The following FUT9 variants were observed in gnomAD, a reference collection of about 807,000 sequenced individuals.
FUT9 encodes fucosyltransferase 9.
In FUT9, 15 loss-of-function variants were observed where a neutral mutation model predicts 29.7. That is an observed-to-expected ratio of 0.51 (90% confidence interval 0.34 to 0.78). The LOEUF (loss-of-function observed/expected upper bound fraction) is 0.78. Among genes scored for constraint, FUT9 ranks in the 30% least tolerant of loss-of-function variants. The pLI is 0.01. For missense variants in FUT9, 319 were observed against 425.4 expected, an observed-to-expected ratio of 0.75 and a Z score of 2.20; for synonymous variants, 169 against 153.7, an observed-to-expected ratio of 1.10 and a Z score of -0.74.
intron 2 of FUT9, among the ~76,000 whole-genome samples, chr6:96,170,658 G>A (rs1773097554): frequency 6.6e-6 from 1 of 151,952 alleles, no homozygotes. Context: ...GTTTTCCTAT[G>A]ATATCTTCAT....
intron 1 of FUT9, among the ~76,000 whole-genome samples, chr6:96,046,933 A>T (rs890461784): frequency 1.3e-5 from 2 of 152,182 alleles, no homozygotes; most frequent in African/African-American, 4.8e-5. Context: ...GTTTAGTGGC[A>T]ACCAAAAGAA....
intron 1 of FUT9, among the ~76,000 whole-genome samples, chr6:96,019,062 G>GT (rs1049047680): frequency 6.6e-6 from 1 of 151,826 alleles, no homozygotes; most frequent in Non-Finnish European, 1.5e-5. Context: ...AATAATACAA[G>GT]TTTTTTAAAA....
chr6:96,085,390 G>A (rs1771299276), intron 1 of FUT9, among the ~76,000 whole-genome samples: 1 of 152,202 alleles, frequency 6.6e-6, no homozygotes, highest in Non-Finnish European at 1.5e-5. Flanking sequence ...TGGTGAAAGA[G>A]ACTAGCTAGC....
At chr6:96,077,045 T>G (rs1040679666) in intron 1 of FUT9, among the ~76,000 whole-genome samples, 1 of 152,056 alleles carries the variant, frequency 6.6e-6, no homozygotes, top group African/African-American at 2.4e-5. Flanking sequence ...TTCCATTCCC[T>G]CCCCAGCCCT....
intron 1 of FUT9, among the ~76,000 whole-genome samples, chr6:96,110,330 C>T (rs899909186): frequency 6.6e-6 from 1 of 152,132 alleles, no homozygotes; most frequent in Non-Finnish European, 1.5e-5. Flanking sequence ...GCCCATTTAT[C>T]CCCCTCAACT....
intron 1 of FUT9, among the ~76,000 whole-genome samples, chr6:96,080,425 A>C (rs1001572549): frequency 2.0e-5 from 3 of 152,012 alleles, no homozygotes; most frequent in Non-Finnish European, 4.4e-5. Flanking sequence ...ATTTAGTGAA[A>C]GAAGAAAGAA....
intron 1 of FUT9, among the ~76,000 whole-genome samples, chr6:96,071,737 T>C (rs1224587660): frequency 1.3e-5 from 2 of 152,150 alleles, no homozygotes; most frequent in Non-Finnish European, 2.9e-5. Context: ...TGACCAAAAT[T>C]TTAACAACAG....
intron 2 of FUT9, among the ~76,000 whole-genome samples, chr6:96,124,833 T>A (rs918232132): frequency 1.6e-4 from 25 of 152,274 alleles, no homozygotes; most frequent in African/African-American, 5.8e-4. Flanking sequence ...TCCAAAAAGA[T>A]GTATAATTTT....
At chr6:96,174,395 G>A (rs1028533412) in intron 2 of FUT9, among the ~76,000 whole-genome samples, 3 of 152,064 alleles carry the variant, frequency 2.0e-5, no homozygotes, top group Non-Finnish European at 4.4e-5. Context: ...TCTACATGGG[G>A]ACAGAATCAA....
chr6:96,044,056 T>C (rs1770515452), intron 1 of FUT9, among the ~76,000 whole-genome samples: 1 of 152,218 alleles, frequency 6.6e-6, no homozygotes, highest in African/African-American at 2.4e-5. Flanking sequence ...TGTATTTACA[T>C]GTGTATTTGG....
intron 2 of FUT9, among the ~76,000 whole-genome samples, chr6:96,185,125 C>T (rs1271101837): frequency 6.7e-6 from 1 of 148,784 alleles, no homozygotes; most frequent in East Asian, 2.0e-4. Flanking sequence ...GCTTTAACTC[C>T]TTCCTCCTCA....
intron 1 of FUT9, among the ~76,000 whole-genome samples, chr6:96,018,683 G>C (rs1447106423): frequency 6.6e-6 from 1 of 151,956 alleles, no homozygotes; most frequent in Non-Finnish European, 1.5e-5. Context: ...ATTATAAAGA[G>C]ATATTTAAAA....
intron 2 of FUT9, among the ~76,000 whole-genome samples, chr6:96,125,691 G>GC (rs1267807556): frequency 1.3e-5 from 2 of 152,194 alleles, no homozygotes; most frequent in East Asian, 3.9e-4. Flanking sequence ...CACCCTCAGA[G>GC]CCCCATGCAA....
At chr6:96,060,237 T>C (rs1770848804) in intron 1 of FUT9, among the ~76,000 whole-genome samples, 3 of 152,170 alleles carry the variant, frequency 2.0e-5, no homozygotes. Context: ...ATAAACTCTT[T>C]AATTCAAAAA....
intron 2 of FUT9, among the ~76,000 whole-genome samples, chr6:96,124,671 T>C (rs1582249821): frequency 6.6e-6 from 1 of 152,108 alleles, no homozygotes; most frequent in Non-Finnish European, 1.5e-5. Context: ...TGAATTTTGC[T>C]CTCCTCCATA....
chr6:96,128,964 A>T (rs1772182506), intron 2 of FUT9, among the ~76,000 whole-genome samples: 1 of 151,914 alleles, frequency 6.6e-6, no homozygotes, highest in East Asian at 1.9e-4. Context: ...TCCACAAAAA[A>T]ATACAAATAG....
intron 1 of FUT9, among the ~76,000 whole-genome samples, chr6:96,030,507 A>G (rs911418635): frequency 6.6e-6 from 1 of 151,582 alleles, no homozygotes; most frequent in African/African-American, 2.4e-5. Context: ...GAGCAGTTGG[A>G]ACACTGGTAC....
intron 1 of FUT9, among the ~76,000 whole-genome samples, chr6:96,096,753 T>C (rs1453087655): frequency 6.6e-6 from 1 of 150,762 alleles, no homozygotes; most frequent in Non-Finnish European, 1.5e-5. Flanking sequence ...CCCAAGGCCT[T>C]TGCCTACTCT....
At chr6:96,185,620 T>C (rs545871586) in intron 2 of FUT9, among the ~76,000 whole-genome samples, 1 of 152,204 alleles carries the variant, frequency 6.6e-6, no homozygotes, top group Admixed American at 6.6e-5. Flanking sequence ...ATCTGCAGAA[T>C]GAGGTAACTT....
Sources: allele counts gnomAD v4.1 joint callset (sites outside exome capture counted in the v4.1 genomes callset), GRCh38; gene constraint gnomAD v4.1.1; transcripts MANE v1.5; gene names NCBI Gene and HGNC (gene_info 2026-07-23, HGNC 2026-07-21).